Variants in DCC observed in about 807,000 individuals in gnomAD.
DCC encodes DCC netrin 1 receptor, also known as netrin receptor DCC.
A neutral mutation model predicts 172.5 loss-of-function variants in DCC; 58 were observed. The ratio of observed to expected loss-of-function variants is 0.34; its 90% CI spans 0.27 to 0.42. The LOEUF (loss-of-function observed/expected upper bound fraction) is 0.42. Among genes scored for constraint, DCC ranks in the 10% least tolerant of loss-of-function variants. The pLI, the probability that DCC is intolerant of heterozygous loss-of-function variation, is 1.00. For synonymous variants in DCC, 709 were observed against 644.5 expected (o/e 1.10, Z -1.52); for missense variants, 1,740 against 1,791.0 (o/e 0.97, Z 0.51).
intron 1 of DCC, among the ~76,000 whole-genome samples, chr18:52,719,860 A>G (rs1007487893): frequency 6.6e-6 from 1 of 152,150 alleles, no homozygotes; most frequent in Non-Finnish European, 1.5e-5. Context: ...GCTAGGATAC[A>G]GTGAGCAAGG....
At chr18:52,487,442 C>T (rs2030280921) in intron 1 of DCC, among the ~76,000 whole-genome samples, 1 of 151,986 alleles carries the variant, frequency 6.6e-6, no homozygotes, top group Non-Finnish European at 1.5e-5. Context: ...ATTTTGCCTC[C>T]CTGGGATGCT....
At chr18:52,683,394 C>A (rs1463635844) in intron 1 of DCC, among the ~76,000 whole-genome samples, 2 of 152,006 alleles carry the variant, frequency 1.3e-5, no homozygotes, top group Non-Finnish European at 2.9e-5. Context: ...ACATGGAGCT[C>A]TTTATTCTTC....
At chr18:52,737,841 G>T (rs1267328600) in intron 1 of DCC, among the ~76,000 whole-genome samples, 1 of 152,114 alleles carries the variant, frequency 6.6e-6, no homozygotes, top group Non-Finnish European at 1.5e-5. Context: ...GCTTATAAAT[G>T]CTAAATCTAT....
intron 5 of DCC, among the ~76,000 whole-genome samples, chr18:52,941,973 A>G (rs1213384171): frequency 6.6e-6 from 1 of 151,830 alleles, no homozygotes; most frequent in Non-Finnish European, 1.5e-5. Flanking sequence ...AGTAGAGACA[A>G]GGTTTCACCA....
At chr18:52,515,366 G>A (rs772861477) in intron 1 of DCC, among the ~76,000 whole-genome samples, 32 of 151,954 alleles carry the variant, frequency 2.1e-4, no homozygotes, top group South Asian at 6.2e-4. Flanking sequence ...TCAATACTGT[G>A]GGAGGCCCAG....
chr18:53,154,147 C>G (rs1006807937), intron 7 of DCC, among the ~76,000 whole-genome samples: 2 of 152,128 alleles, frequency 1.3e-5, no homozygotes, highest in Non-Finnish European at 2.9e-5. Flanking sequence ...ATAAATACCC[C>G]TATCCACTAC....
rs550752208 is a variant in DCC at position 53,509,489 on chromosome 18, AATTGCTAAAAAG to A, written c.4111+9983_4111+9994del. 1.3e-3 allele frequency among the ~76,000 whole-genome samples: 196 copies of A among 152,324 alleles called. 1 individual carries two copies. The highest frequency in any genetic ancestry group is 0.011 in the South Asian group (54 of 4,826). On this transcript the variant is annotated intron_variant, in intron 27 of 28. Coordinates refer to ENST00000442544, the MANE Select transcript of DCC (RefSeq NM_005215.4). ...ATCTAGAGTAGAGCCTGAGGTTCTG[AATTGCTAAAAAG>A]ATTCTAGGCTTTGCTGAGGCTGACC... is the stretch of plus-strand genomic sequence containing the variant.
At chr18:52,643,317 A>G (rs1189091115) in intron 1 of DCC, among the ~76,000 whole-genome samples, 1 of 152,178 alleles carries the variant, frequency 6.6e-6, no homozygotes, top group Non-Finnish European at 1.5e-5. Flanking sequence ...ATCACTGACC[A>G]TCAGAAGGAA....
intron 1 of DCC, among the ~76,000 whole-genome samples, chr18:52,587,272 T>C (rs543237501): frequency 1.3e-5 from 2 of 152,306 alleles, no homozygotes; most frequent in South Asian, 4.1e-4. Context: ...GAAGTCTATG[T>C]TGCTGAGCCC....
chr18:52,426,582 A>C (rs1203997617), intron 1 of DCC, among the ~76,000 whole-genome samples: 1 of 151,996 alleles, frequency 6.6e-6, no homozygotes, highest in Non-Finnish European at 1.5e-5. Context: ...ACCGACAAAA[A>C]CCTACAAGGC....
At chr18:52,879,114 A>G (rs1432038318) in intron 2 of DCC, among the ~76,000 whole-genome samples, 1 of 152,208 alleles carries the variant, frequency 6.6e-6, no homozygotes. Flanking sequence ...AACAAATACT[A>G]TATTACTTGT....
chr18:52,461,505 G>C (rs945148516), intron 1 of DCC, among the ~76,000 whole-genome samples: 1 of 151,116 alleles, frequency 6.6e-6, no homozygotes, highest in Non-Finnish European at 1.5e-5. Flanking sequence ...CTACATAATT[G>C]TATGTGCTAG....
intron 2 of DCC, among the ~76,000 whole-genome samples, chr18:52,886,381 T>C (rs955681638): frequency 6.6e-6 from 1 of 152,164 alleles, no homozygotes; most frequent in Admixed American, 6.5e-5. Flanking sequence ...GTCCAAATTC[T>C]CTGTCCATGA....
chr18:53,237,570 A>G (rs1218748794), intron 12 of DCC, among the ~76,000 whole-genome samples: 1 of 152,170 alleles, frequency 6.6e-6, no homozygotes, highest in Non-Finnish European at 1.5e-5. Flanking sequence ...AGCTAGTGAC[A>G]GGTTTGCTAT....
intron 7 of DCC, among the ~76,000 whole-genome samples, chr18:53,134,701 T>C (rs2144330100): frequency 6.6e-6 from 1 of 152,306 alleles, no homozygotes; most frequent in South Asian, 2.1e-4. Flanking sequence ...AATGATTTTT[T>C]TGACATTGGT....
rs1159156246 is a variant in DCC, at chr18:53,215,536, G to T, written c.1862-12G>T. On this transcript the variant is annotated splice_polypyrimidine_tract_variant and intron_variant, in intron 11 of 28. Transcript: ENST00000442544. The stretch of plus-strand genomic sequence containing the variant: ...TGGCAGTAACTGTGACAATTTGTTT[G>T]ATTCCTTTTAGTGCCAAGTGCCCCG... 1 of 1,612,614 alleles carries T rather than the reference G, an allele frequency of 6.2e-7. No individual in the cohort carries two copies. The highest frequency in any genetic ancestry group is 8.5e-7 in the Non-Finnish European group (1 of 1,178,774).
At chr18:53,256,604 G>C (rs1347210640) in intron 12 of DCC, among the ~76,000 whole-genome samples, 1 of 152,010 alleles carries the variant, frequency 6.6e-6, no homozygotes, top group Non-Finnish European at 1.5e-5. Flanking sequence ...ATGCTGTTTT[G>C]GTTACTGTAG....
chr18:53,381,561 C>T lies in DCC; in HGVS notation c.2360-4482C>T, dbSNP rs935799871. Among the ~76,000 whole-genome samples, 3 of 9,520 alleles carry T rather than the reference C, an allele frequency of 3.2e-4. No individual in the cohort carries two copies. The Non-Finnish European group carries it at 3.6e-3, about 11-fold the overall frequency. 6.2% of individuals were successfully genotyped at this position (9,520 alleles called of 152,430 possible). A position where few individuals can be genotyped will look rare whatever the true frequency, so the allele number is the denominator to read the frequency against. Reference sequence around the variant, plus strand: ...TTCATTCTTTTATATTTACCCCCCACCCCCCCCCCACCACCACCTTACCAC... The same window carrying T: ...TTCATTCTTTTATATTTACCCCCCATCCCCCCCCCACCACCACCTTACCAC... On this transcript the variant is annotated intron_variant, in intron 15 of 28. Transcript: ENST00000442544.
In DCC at chr18:52,835,216, T is replaced by C. The variant is rs192020711; in HGVS notation, c.413-70828T>C. Among the ~76,000 whole-genome samples, 502 of 152,318 alleles carry C rather than the reference T, an allele frequency of 3.3e-3. 4 individuals carry two copies. The highest frequency in any genetic ancestry group is 5.8e-3 in the Non-Finnish European group (392 of 68,004). ...GCCATGGATAAACTGGTTGTTGCCATAAATCCTGAAAGAAATTTCTGGGAG... is the reference window on the plus strand; with the variant it reads ...GCCATGGATAAACTGGTTGTTGCCACAAATCCTGAAAGAAATTTCTGGGAG... On this transcript the variant is annotated intron_variant, in intron 2 of 28. Transcript: ENST00000442544.
Sources: allele counts gnomAD v4.1 joint callset (sites outside exome capture counted in the v4.1 genomes callset), GRCh38; gene constraint gnomAD v4.1.1; transcripts MANE v1.5; gene names NCBI Gene and HGNC (gene_info 2026-07-23, HGNC 2026-07-21).